Variants in NFIX observed in about 807,000 individuals in gnomAD.
NFIX encodes nuclear factor I X.
A neutral mutation model predicts 53.3 loss-of-function variants in NFIX; 2 were observed. The ratio of observed to expected loss-of-function variants is 0.04; its 90% CI spans 0.02 to 0.12. The LOEUF is 0.12. Ranked by LOEUF, NFIX falls within the 10% of genes least tolerant of loss-of-function variation. The pLI, the probability that NFIX is intolerant of heterozygous loss-of-function variation, is 1.00. For synonymous variants in NFIX, 244 were observed against 289.0 expected, an observed-to-expected ratio of 0.84 and a Z score of 1.58; for missense variants, 310 against 674.5, an observed-to-expected ratio of 0.46 and a Z score of 5.99.
At position 13,090,199 on chromosome 19, in the gene NFIX, C is replaced by T; in HGVS notation, c.1403-100C>T. On this transcript the variant is annotated intron_variant, in intron 9 of 10. Coordinates refer to ENST00000592199, the MANE Select transcript of NFIX (RefSeq NM_001365902.3). This position sits in a 1 kb window ranked among gnomAD's most constrained non-coding sequence, Gnocchi z 6.6. ...CCAGCCTAAACTCGGGCAGCATGGT[C>T]TAACTCAGTCTCTCCCTCTCTCAGC... 1 of 1,127,534 alleles carries T rather than the reference C, an allele frequency of 8.9e-7. No homozygotes were observed. The highest frequency in any genetic ancestry group is 1.3e-5 in the South Asian group (1 of 79,156). 69.8% of individuals were successfully genotyped at this position (1,127,534 alleles called of 1,614,324 possible).
intron 1 of NFIX, chr19:13,024,774 C>CCTCT (rs1345357265): frequency 4.0e-6 from 6 of 1,500,062 alleles, no homozygotes; most frequent in Non-Finnish European, 5.4e-6. Flanking sequence ...GCTCCCGGTG[C>CCTCT]CTCTGTCTGG....
chr19:13,033,291 C>T (rs955635345), intron 2 of NFIX, among the ~76,000 whole-genome samples: 1 of 152,096 alleles, frequency 6.6e-6, no homozygotes, highest in African/African-American at 2.4e-5. Flanking sequence ...TGGACCTTAC[C>T]CCCCAGGTGC....
At chr19:13,010,195 G>A (rs1174264900) in intron 1 of NFIX, among the ~76,000 whole-genome samples, 1 of 152,192 alleles carries the variant, frequency 6.6e-6, no homozygotes, top group Non-Finnish European at 1.5e-5. Flanking sequence ...TTGGCCTGCC[G>A]GGCGGGCGGC....
rs190416177 is a variant in NFIX at position 13,066,016 on chromosome 19, A to T, written c.560-7031A>T. ...CTTCTGGCTATGAGTCTATCTCCACATGGGGAGTGGAGGCAACCAAGGACT... is the reference window on the plus strand; with the variant it reads ...CTTCTGGCTATGAGTCTATCTCCACTTGGGGAGTGGAGGCAACCAAGGACT... On this transcript the variant is annotated intron_variant, in intron 2 of 10. Coordinates refer to ENST00000592199, the MANE Select transcript of NFIX (RefSeq NM_001365902.3). The surrounding 1 kb of genome is among the most constrained non-coding windows in gnomAD (Gnocchi z 4.2). 6.6e-6 allele frequency among the ~76,000 whole-genome samples: 1 copy of T among 152,262 alleles called. No homozygotes were observed. Among genetic ancestry groups the T allele is most frequent in the East Asian group, 1.9e-4 (1 of 5,188 alleles).
rs2012004351 is a variant in NFIX, at chr19:13,006,173, G to A, written c.27+10309G>A. ...TGCTGTGGGAAGAACAGAGCTGGCC[G>A]GGCCCTCGGGAGTGCTGGGCAGCTG... is the stretch of plus-strand genomic sequence containing the variant. On this transcript the variant is annotated intron_variant, in intron 1 of 10. Transcript: ENST00000592199. The surrounding 1 kb of genome is among the most constrained non-coding windows in gnomAD (Gnocchi z 5.6). 1.3e-5 allele frequency among the ~76,000 whole-genome samples: 2 copies of A among 152,162 alleles called. No homozygotes were observed. Among genetic ancestry groups the A allele is most frequent in the African/African-American group, 2.4e-5 (1 of 41,434 alleles).
chr19:13,000,973 T>C (rs1201231752), intron 1 of NFIX, among the ~76,000 whole-genome samples: 1 of 152,112 alleles, frequency 6.6e-6, no homozygotes, highest in East Asian at 1.9e-4. Flanking sequence ...TGCTGAGATA[T>C]TGTCTCCCCC....
At chr19:13,015,844 G>T (rs1481032248) in intron 1 of NFIX, among the ~76,000 whole-genome samples, 1 of 151,952 alleles carries the variant, frequency 6.6e-6, no homozygotes, top group African/African-American at 2.4e-5. Flanking sequence ...CAGCAGTGAG[G>T]ATGAGAGGGG....
At chr19:13,048,570 G>C (rs756212473) in intron 2 of NFIX, among the ~76,000 whole-genome samples, 15 of 151,778 alleles carry the variant, frequency 9.9e-5, no homozygotes, top group Non-Finnish European at 1.9e-4. Flanking sequence ...CTATTTTAAA[G>C]TGTACAAGGC....
At chr19:13,034,923 G>A (rs943392551) in intron 2 of NFIX, among the ~76,000 whole-genome samples, 9 of 152,270 alleles carry the variant, frequency 5.9e-5, no homozygotes, top group East Asian at 5.8e-4. Context: ...TCCCAACTGC[G>A]GAACTGTTGA....
chr19:13,064,768 G>A (rs1445289729), intron 2 of NFIX, among the ~76,000 whole-genome samples: 1 of 152,220 alleles, frequency 6.6e-6, no homozygotes, highest in Non-Finnish European at 1.5e-5. Context: ...CCCCACCAGG[G>A]TGGGAGGTGG....
intron 1 of NFIX, 21 bp from the exon 2 acceptor site, chr19:13,025,000 C>A (rs1471472271): frequency 6.4e-7 from 1 of 1,574,120 alleles, no homozygotes; most frequent in African/African-American, 1.4e-5. Context: ...GCCCCGCATG[C>A]TCCCGGCTTG....
At chr19:13,082,728 G>A (rs2017543145) in intron 8 of NFIX, among the ~76,000 whole-genome samples, 2 of 152,210 alleles carry the variant, frequency 1.3e-5, no homozygotes, top group Non-Finnish European at 2.9e-5. Flanking sequence ...AGACCTCTGG[G>A]AAAAATCCAG....
intron 6 of NFIX, 96 bp downstream of exon 6, chr19:13,075,767 C>T (rs1599849084): frequency 7.0e-7 from 1 of 1,432,170 alleles, no homozygotes. Flanking sequence ...CCAGTTGTCC[C>T]CCTGTCGGGG....
At position 13,073,807 on chromosome 19, in the gene NFIX, ACT is replaced by A. The variant is rs2016910046; in HGVS notation, c.698-97_698-96del. 1 of 1,523,282 alleles carries A rather than the reference ACT, an allele frequency of 6.6e-7. No homozygotes were observed. Among genetic ancestry groups the A allele is most frequent in the African/African-American group, 1.4e-5 (1 of 72,662 alleles). 94.4% of individuals were successfully genotyped at this position (1,523,282 alleles called of 1,614,324 possible). A position where few individuals can be genotyped will look rare whatever the true frequency, so the allele number is the denominator to read the frequency against. ...CTCCCATCTCCTGGCCCCACAGTAA[ACT>A]CACCCTGGGCTTCTGGGAAGCTGTT... On this transcript the variant is annotated intron_variant, in intron 4 of 10. Transcript: ENST00000592199. This position sits in a 1 kb window ranked among gnomAD's most constrained non-coding sequence, Gnocchi z 4.5.
chr19:13,004,820 CTT>C (rs61430205), intron 1 of NFIX, among the ~76,000 whole-genome samples: 14 of 136,740 alleles, frequency 1.0e-4, no homozygotes, highest in African/African-American at 8.1e-5. Context: ...AAGCTAGGTT[CTT>C]TTTTTTTTTT....
rs2018588591 is a variant in NFIX, at chr19:13,098,326, C to G, written c.*3677C>G. 6.7e-6 allele frequency: 1 copy of G among 149,866 alleles called. No individual in the cohort carries two copies. 9.3% of individuals were successfully genotyped at this position (149,866 alleles called of 1,614,324 possible). On this transcript the variant is annotated 3_prime_UTR_variant, in exon 11 of 11. Coordinates refer to ENST00000592199, the MANE Select transcript of NFIX (RefSeq NM_001365902.3). ...CCCCGCAAGCCAGCCTGGGCCAGCCCCGCTTCGGCCCCTCCCGGGAGATCC... is the reference window on the plus strand; with the variant it reads ...CCCCGCAAGCCAGCCTGGGCCAGCCGCGCTTCGGCCCCTCCCGGGAGATCC...
intron 1 of NFIX, among the ~76,000 whole-genome samples, chr19:13,019,742 T>G (rs977457538): frequency 1.7e-4 from 25 of 151,226 alleles, no homozygotes; most frequent in Middle Eastern, 3.2e-3. Flanking sequence ...TTTTTTTTTT[T>G]TTTTTACCAA....
rs1568345289 is a variant in NFIX, at chr19:13,097,705, C to T, written c.*3056C>T. The stretch of plus-strand genomic sequence containing the variant: ...AGGTCAATGCCAACGAACAAACGTC[C>T]CCTCCCTCCCTCCCTCTCCGCCCCG... On this transcript the variant is annotated 3_prime_UTR_variant, in exon 11 of 11. Transcript: ENST00000592199. 2 of 148,528 alleles carry T rather than the reference C, an allele frequency of 1.3e-5. No homozygotes were observed. Among genetic ancestry groups the T allele is most frequent in the African/African-American group, 5.0e-5 (2 of 39,892 alleles). The allele number at this position is 148,528 out of a possible 1,614,324, so 9.2% of individuals were successfully genotyped here.
chr19:13,086,670 T>C (rs2017797038), intron 8 of NFIX, among the ~76,000 whole-genome samples: 2 of 152,184 alleles, frequency 1.3e-5, no homozygotes, highest in African/African-American at 4.8e-5. Flanking sequence ...CAGTGTCTCC[T>C]TGAGGGGGAC....
Sources: allele counts gnomAD v4.1 joint callset (sites outside exome capture counted in the v4.1 genomes callset), GRCh38; gene constraint gnomAD v4.1.1; non-coding constraint Gnocchi (gnomAD v3.1); transcripts MANE v1.5; gene names NCBI Gene and HGNC (gene_info 2026-07-23, HGNC 2026-07-21).